SMIM41: variants seen among roughly 807,000 people sequenced by gnomAD.
SMIM41 encodes small integral membrane protein 41.
At chr12:52,087,641 G>A (rs1274702399) in intron 2 of SMIM41, 1 of 152,298 alleles carries the variant, frequency 6.6e-6, no homozygotes, top group African/African-American at 2.4e-5. Flanking sequence ...TTGGATTCCA[G>A]AAGAACACTG....
rs540369590 is a variant in SMIM41 at position 52,083,230 on chromosome 12, G to A, written c.*121-664G>A. On this transcript the variant is annotated intron_variant, in intron 1 of 2. Transcript: ENST00000546390. Reference sequence around the variant, plus strand: ...GCAGCGCCTGTACTGTCTGGTGTGAGGCAGCAACGGTCTGACAGTGACCGG... The same window carrying A: ...GCAGCGCCTGTACTGTCTGGTGTGAAGCAGCAACGGTCTGACAGTGACCGG... Among the ~76,000 whole-genome samples the A allele has an allele frequency of 2.0e-5, 3 of 152,226 alleles. No individual in the cohort carries two copies. In the East Asian group the frequency reaches 5.8e-4, roughly 29 times the overall value.
At chr12:52,098,276 C>A (rs1230604322) in intron 2 of SMIM41, among the ~76,000 whole-genome samples, 1 of 151,826 alleles carries the variant, frequency 6.6e-6, no homozygotes, top group African/African-American at 2.4e-5. Flanking sequence ...TATTAAAAAC[C>A]ATGTCACAAG....
chr12:52,084,776 A>G (rs1025619387), intron 2 of SMIM41: 1 of 152,476 alleles, frequency 6.6e-6, no homozygotes, highest in Admixed American at 6.5e-5. Flanking sequence ...AGGTGTCTGG[A>G]AGGTTTCATA....
At position 52,107,713 on chromosome 12, in the gene SMIM41, T is replaced by C; in HGVS notation, c.*530T>C. On this transcript the variant is annotated 3_prime_UTR_variant, in exon 3 of 3. Coordinates refer to ENST00000546390, the MANE Select transcript of SMIM41 (RefSeq NM_001369216.1). ...GGCCTATGACCGGTTTGTAGCCATCTGTCACCCTCTATATCATTCAGCCAT... is the reference window on the plus strand; with the variant it reads ...GGCCTATGACCGGTTTGTAGCCATCCGTCACCCTCTATATCATTCAGCCAT... The C allele has an allele frequency of 2.1e-6, 1 of 482,476 alleles. No homozygotes were observed. The highest frequency in any genetic ancestry group is 1.6e-5 in the South Asian group (1 of 61,364). 29.9% of individuals were successfully genotyped at this position (482,476 alleles called of 1,614,324 possible).
chr12:52,104,676 G>A (rs11170003), intron 2 of SMIM41, among the ~76,000 whole-genome samples: 36 of 151,138 alleles, frequency 2.4e-4, no homozygotes, highest in South Asian at 1.0e-3. Flanking sequence ...TTATGGTCGG[G>A]GGGGGGCGGT....
At chr12:52,105,369 AT>A (rs1361761837) in intron 2 of SMIM41, among the ~76,000 whole-genome samples, 2 of 149,816 alleles carry the variant, frequency 1.3e-5, no homozygotes, top group East Asian at 3.9e-4. Flanking sequence ...TAAATTCGGA[AT>A]TTGGCTTCTC....
At chr12:52,086,213 C>A (rs11169996) in intron 2 of SMIM41, among the ~76,000 whole-genome samples, 2,354 of 152,108 alleles carry the variant, frequency 0.015, 26 homozygotes, top group Non-Finnish European at 0.025. Flanking sequence ...GGCCTCCATA[C>A]CCTGAGCAGT....
At position 52,079,891 on chromosome 12, in the gene SMIM41, G is replaced by T; in HGVS notation, c.112G>T (p.Val38Leu). ...PPEGPRAVQAVVLGVLSLLVL... is the reference protein window; with the variant it reads ...PPEGPRAVQALVLGVLSLLVL... ...CGAGGGGCCGCGCGCGGTGCAGGCG[G>T]TGGTGCTCGGCGTGCTGTCCCTGCT... The change falls in exon 1 of 3, where the codon GTG (valine) becomes TTG (leucine). Residue 38 changes from valine to leucine, a missense_variant. By Grantham distance (32) the Val-to-Leu change is conservative. Transcript: ENST00000546390. 2.6e-6 allele frequency: 1 copy of T among 389,802 alleles called. No homozygotes were observed. The highest frequency in any genetic ancestry group is 4.5e-6 in the Non-Finnish European group (1 of 220,276). 24.1% of individuals were successfully genotyped at this position (389,802 alleles called of 1,614,324 possible).
chr12:52,082,775 T>G (rs1170764937), intron 1 of SMIM41, among the ~76,000 whole-genome samples: 1 of 152,262 alleles, frequency 6.6e-6, no homozygotes, highest in African/African-American at 2.4e-5. Context: ...GGAAAGCCTG[T>G]GAGAGGTTTA....
At chr12:52,088,699 C>T (rs1939932858) in intron 2 of SMIM41, among the ~76,000 whole-genome samples, 1 of 152,200 alleles carries the variant, frequency 6.6e-6, no homozygotes, top group South Asian at 2.1e-4. Flanking sequence ...TCAGCCCACC[C>T]ATCCTCCACA....
intron 2 of SMIM41, among the ~76,000 whole-genome samples, chr12:52,102,723 G>A (rs1408779900): frequency 2.0e-5 from 3 of 152,184 alleles, no homozygotes; most frequent in African/African-American, 4.8e-5. Context: ...TTGGTGAAAC[G>A]AGAGGGAAGT....
intron 2 of SMIM41, among the ~76,000 whole-genome samples, chr12:52,093,403 A>G (rs1222736140): frequency 1.3e-5 from 2 of 152,142 alleles, no homozygotes; most frequent in African/African-American, 4.8e-5. Context: ...GTTTTCCTGT[A>G]GCACGGTTGT....
At chr12:52,105,399 G>A (rs1047566874) in intron 2 of SMIM41, among the ~76,000 whole-genome samples, 1 of 152,196 alleles carries the variant, frequency 6.6e-6, no homozygotes, top group Non-Finnish European at 1.5e-5. Flanking sequence ...GAGGAAGCTG[G>A]AAACTGTTTC....
intron 1 of SMIM41, among the ~76,000 whole-genome samples, chr12:52,083,609 G>A (rs546719575): frequency 6.6e-6 from 1 of 152,306 alleles, no homozygotes; most frequent in East Asian, 1.9e-4. Flanking sequence ...GCCAGTGTGG[G>A]CAAGAGCACC....
chr12:52,080,218 T>A (rs1592320210), intron 1 of SMIM41, 37 bp downstream of exon 1: 3 of 281,358 alleles, frequency 1.1e-5, no homozygotes, highest in Non-Finnish European at 2.0e-5. Context: ...GGCGCGGGGG[T>A]TCGGGGGGCT....
At chr12:52,093,061 G>A (rs1465783762) in intron 2 of SMIM41, among the ~76,000 whole-genome samples, 3 of 151,970 alleles carry the variant, frequency 2.0e-5, no homozygotes, top group South Asian at 2.1e-4. Flanking sequence ...GGTGTGGTGC[G>A]GTGGTGCACA....
At chr12:52,080,844 G>C (rs1193305162) in intron 1 of SMIM41, among the ~76,000 whole-genome samples, 7 of 152,122 alleles carry the variant, frequency 4.6e-5, no homozygotes, top group African/African-American at 1.7e-4. Context: ...TGTGTGGAAG[G>C]CCCTTCCCTG....
chr12:52,103,274 C>A (rs1940257181), intron 2 of SMIM41, among the ~76,000 whole-genome samples: 1 of 150,586 alleles, frequency 6.6e-6, no homozygotes, highest in South Asian at 2.1e-4. Context: ...TTGCAGTGAG[C>A]CCAGATTGTG....
At chr12:52,096,404 C>A (rs904283264) in intron 2 of SMIM41, among the ~76,000 whole-genome samples, 1 of 151,864 alleles carries the variant, frequency 6.6e-6, no homozygotes, top group African/African-American at 2.4e-5. Context: ...AAAGTAATAC[C>A]ATGCTCTCTC....
Sources: gnomAD v4.1 joint callset for allele counts (sites outside exome capture counted in the v4.1 genomes callset) on GRCh38, gnomAD v4.1.1 for gene constraint, MANE v1.5 for transcripts, NCBI Gene and HGNC (gene_info 2026-07-23, HGNC 2026-07-21) for gene names.